The following EIF4G3 variants were observed in gnomAD, a reference collection of about 807,000 sequenced individuals.
EIF4G3 encodes eIF-4-gamma 3.
In EIF4G3, 34 loss-of-function variants were observed where a neutral mutation model predicts 186.4. The ratio of observed to expected loss-of-function variants is 0.18; its 90% confidence interval spans 0.14 to 0.24. The LOEUF (loss-of-function observed/expected upper bound fraction) is 0.24, where lower values mean the gene tolerates loss of function less well. EIF4G3 is among the 10% of genes least tolerant of loss of function. EIF4G3 has a pLI of 1.00. For synonymous variants in EIF4G3, 673 were observed against 679.5 expected, an observed-to-expected ratio of 0.99 and a Z score of 0.15; for missense variants, 1,536 against 1,948.5, an observed-to-expected ratio of 0.79 and a Z score of 3.99.
At chr1:20,880,095 G>A (rs2081918767) in intron 19 of EIF4G3, among the ~76,000 whole-genome samples, 1 of 151,372 alleles carries the variant, frequency 6.6e-6, no homozygotes, top group Non-Finnish European at 1.5e-5. Flanking sequence ...ACTTAAAGGT[G>A]AAAGGCAAAA....
chr1:21,090,487 A>G (rs959643504), intron 2 of EIF4G3, among the ~76,000 whole-genome samples: 6 of 152,206 alleles, frequency 3.9e-5, no homozygotes, highest in African/African-American at 1.4e-4. Flanking sequence ...GGACCAATAC[A>G]TTTTAAAGAA....
chr1:20,841,693 C>T (rs1459319477), intron 29 of EIF4G3, among the ~76,000 whole-genome samples: 1 of 152,166 alleles, frequency 6.6e-6, no homozygotes, highest in Non-Finnish European at 1.5e-5. Flanking sequence ...TATAGAGTAT[C>T]CAGCCAAGTC....
intron 2 of EIF4G3, among the ~76,000 whole-genome samples, chr1:21,118,152 G>A (rs1228899395): frequency 2.0e-5 from 3 of 152,096 alleles, no homozygotes; most frequent in South Asian, 2.1e-4. Context: ...TTCAAAGGCC[G>A]CATAACCAAA....
intron 7 of EIF4G3, among the ~76,000 whole-genome samples, chr1:20,990,019 A>G (rs1462259311): frequency 6.6e-6 from 1 of 152,132 alleles, no homozygotes; most frequent in East Asian, 1.9e-4. Flanking sequence ...TGTACTAAAA[A>G]TACAAAAAAT....
In EIF4G3 at chr1:20,958,403, T is replaced by A. The variant is rs78447141; in HGVS notation, c.715-8292A>T. 6.9e-3 allele frequency among the ~76,000 whole-genome samples: 1,043 copies of A among 152,162 alleles called. 14 individuals carry two copies. Among genetic ancestry groups the A allele is most frequent in the African/African-American group, 0.024 (989 of 41,542 alleles). On this transcript the variant is annotated intron_variant, in intron 12 of 36. Coordinates refer to ENST00000602326, the MANE Select transcript of EIF4G3 (RefSeq NM_001391906.1). Reference sequence around the variant, plus strand: ...GGCAAAAAAGGGACTTACCTCAAAATAGTAAAATCCATATATGACAAAACC... The same window carrying A: ...GGCAAAAAAGGGACTTACCTCAAAAAAGTAAAATCCATATATGACAAAACC...
intron 30 of EIF4G3, among the ~76,000 whole-genome samples, chr1:20,831,721 T>C (rs1417640016): frequency 6.6e-6 from 1 of 150,716 alleles, no homozygotes; most frequent in African/African-American, 2.4e-5. Flanking sequence ...ACTCGTCATC[T>C]AGCATTAGGT....
chr1:20,975,303 C>T (rs1051053222), intron 10 of EIF4G3, among the ~76,000 whole-genome samples: 8 of 150,306 alleles, frequency 5.3e-5, no homozygotes, highest in Admixed American at 1.3e-4. Context: ...GCCAGGCAAG[C>T]AACACAATCT....
intron 3 of EIF4G3, among the ~76,000 whole-genome samples, chr1:21,081,639 T>TTTA (rs1400494582): frequency 1.4e-5 from 2 of 145,774 alleles, no homozygotes; most frequent in African/African-American, 5.0e-5. Flanking sequence ...GAGTCCAATT[T>TTTA]TTTTTTTTTT....
chr1:20,829,197 C>T lies in EIF4G3; in HGVS notation c.4137G>A (p.Leu1379=). Reference sequence around the variant, plus strand: ...CACCTTCTTTTAACATGGGGGTCACCAGTTCAGCAAGGTACAACCAAATAT... The same window carrying T: ...CACCTTCTTTTAACATGGGGGTCACTAGTTCAGCAAGGTACAACCAAATAT... ...IPHIWLYLAE[L]VTPMLKEGGI... The change falls in exon 31 of 37, where the codon CTG becomes CTA. Residue 1379 remains leucine, a synonymous_variant. Transcript: ENST00000602326. 1.2e-6 allele frequency: 2 copies of T among 1,613,882 alleles called. No homozygotes were observed. Among genetic ancestry groups the T allele is most frequent in the Non-Finnish European group, 1.7e-6 (2 of 1,179,918 alleles).
intron 18 of EIF4G3, among the ~76,000 whole-genome samples, chr1:20,888,432 T>A (rs1353257910): frequency 6.6e-6 from 1 of 152,198 alleles, no homozygotes; most frequent in Non-Finnish European, 1.5e-5. Context: ...TATCTAGCTA[T>A]TAATAGATCT....
rs2074024431 is a variant in EIF4G3, at chr1:20,853,682, A to C, written c.3434-5T>G. On this transcript the variant is annotated splice_region_variant and splice_polypyrimidine_tract_variant and intron_variant, in intron 26 of 36. Transcript: ENST00000602326. ...AAGCACTTGACCGTAAGGCATCTAC[A>C]CATGTCGAGGATTTAGAAAAAAATA... 1 of 1,601,586 alleles carries C rather than the reference A, an allele frequency of 6.2e-7. No individual in the cohort carries two copies. The highest frequency in any genetic ancestry group is 1.3e-5 in the African/African-American group (1 of 74,646).
At chr1:20,905,408 TA>T (rs2091779291) in intron 14 of EIF4G3, among the ~76,000 whole-genome samples, 1 of 152,160 alleles carries the variant, frequency 6.6e-6, no homozygotes, top group Non-Finnish European at 1.5e-5. Context: ...CTTCAAGCAA[TA>T]AAAAATAATA....
chr1:21,017,545 G>A (rs909650142), intron 4 of EIF4G3, among the ~76,000 whole-genome samples: 7 of 148,944 alleles, frequency 4.7e-5, no homozygotes, highest in Non-Finnish European at 1.0e-4. Context: ...GGAGAATGGC[G>A]TGAACCCAGG....
intron 31 of EIF4G3, among the ~76,000 whole-genome samples, chr1:20,828,092 G>A (rs1380524758): frequency 6.7e-6 from 1 of 149,106 alleles, no homozygotes; most frequent in South Asian, 2.1e-4. Flanking sequence ...GAGTGCAGTG[G>A]CGCAATCTTG....
rs115216038 is a variant in EIF4G3, at chr1:20,831,382, G to T, written c.4062-2110C>A. On this transcript the variant is annotated intron_variant, in intron 30 of 36. Transcript: ENST00000602326. ...ATTTTTTCCTGTAGTACCTTAGAAG[G>T]CAGGAGAAAAAGAGCCATTGCCAAA... Among the ~76,000 whole-genome samples the T allele has an allele frequency of 6.4e-3, 972 of 150,946 alleles. 9 individuals carry two copies. The highest frequency in any genetic ancestry group is 0.022 in the African/African-American group (918 of 41,166).
At chr1:20,862,021 C>G (rs1168878183) in intron 23 of EIF4G3, among the ~76,000 whole-genome samples, 1 of 151,874 alleles carries the variant, frequency 6.6e-6, no homozygotes, top group Non-Finnish European at 1.5e-5. Context: ...GTTTGATAAT[C>G]AGAATAAGGA....
chr1:21,113,060 G>C (rs112715934), intron 2 of EIF4G3, among the ~76,000 whole-genome samples: 1 of 148,298 alleles, frequency 6.7e-6, no homozygotes, highest in Admixed American at 6.9e-5. Context: ...TTGGGAGGCT[G>C]AGAATGGCTT....
intron 16 of EIF4G3, among the ~76,000 whole-genome samples, chr1:20,896,447 A>AAAAAG (rs2088111816): frequency 6.6e-6 from 1 of 151,146 alleles, no homozygotes; most frequent in Admixed American, 6.6e-5. Context: ...AAAAAAAAAA[A>AAAAAG]AAAAAGAAAA....
chr1:21,001,417 G>T, intron 5 of EIF4G3, 105 bp from the exon 6 acceptor site: 1 of 426,664 alleles, frequency 2.3e-6, no homozygotes, highest in Non-Finnish European at 4.8e-6. Flanking sequence ...CAGAAATTAG[G>T]GTTGGGGGTA....
Sources: allele counts gnomAD v4.1 joint callset (sites outside exome capture counted in the v4.1 genomes callset), GRCh38; gene constraint gnomAD v4.1.1; transcripts MANE v1.5; gene names NCBI Gene and HGNC (gene_info 2026-07-23, HGNC 2026-07-21).